The following ESPN variants were observed in gnomAD, a reference collection of about 807,000 sequenced individuals.
ESPN encodes the protein autosomal recessive deafness type 36 protein.
In ESPN, 68 loss-of-function variants were observed where a neutral mutation model predicts 77.7. The observed-to-expected ratio is 0.87, with a 90% CI of 0.72 to 1.07. The LOEUF (loss-of-function observed/expected upper bound fraction) is 1.07. ESPN is among the 50% of genes least tolerant of loss of function. The pLI, the probability that ESPN is intolerant of heterozygous loss-of-function variation, is 0.00. For missense variants in ESPN, 1,060 were observed against 1,239.0 expected (o/e 0.86, Z 2.17); for synonymous variants, 449 against 567.1 (o/e 0.79, Z 2.96).
chr1:6,446,315 A>C (rs1246097104), intron 7 of ESPN, among the ~76,000 whole-genome samples: 1 of 152,152 alleles, frequency 6.6e-6, no homozygotes, highest in Non-Finnish European at 1.5e-5. Context: ...CCCCAGGCTC[A>C]GTCGGAGAGT....
intron 12 of ESPN, among the ~76,000 whole-genome samples, chr1:6,458,507 G>T (rs762547550): frequency 1.3e-5 from 2 of 150,022 alleles, no homozygotes; most frequent in African/African-American, 2.4e-5. Context: ...GTAGAGGCCG[G>T]GTTTTGCCAT....
rs1246286291 is a variant in ESPN at position 6,444,782 on chromosome 1, C to T, written c.1192+100C>T. 16 of 1,348,636 alleles carry T rather than the reference C, an allele frequency of 1.2e-5. No individual in the cohort carries two copies. In the East Asian group the frequency reaches 2.1e-4, roughly 18 times the overall value. The allele number at this position is 1,348,636 out of a possible 1,614,324, so 83.5% of individuals were successfully genotyped here. On this transcript the variant is annotated intron_variant, in intron 6 of 12. Coordinates refer to ENST00000645284, the MANE Select transcript of ESPN (RefSeq NM_031475.3). ...TGGGCCGCCCTGCCACAGCCAATATCGGACACTACCCTCATCACTTGCTCT... is the reference window on the plus strand; with the variant it reads ...TGGGCCGCCCTGCCACAGCCAATATTGGACACTACCCTCATCACTTGCTCT...
At chr1:6,431,035 T>C (rs1401561420) in intron 2 of ESPN, among the ~76,000 whole-genome samples, 1 of 152,172 alleles carries the variant, frequency 6.6e-6, no homozygotes, top group Non-Finnish European at 1.5e-5. Context: ...GCCCAGGAGC[T>C]CACTCTGTCC....
rs746697097 is a variant in ESPN, at chr1:6,451,774, G to A, written c.2061+26G>A. ...GTAGGCGGGCCCAGCAGGAGCCTGC[G>A]ACCCGGCTTCCCTGGCCCTAGGCCA... On this transcript the variant is annotated intron_variant, in intron 9 of 12. Transcript: ENST00000645284. This position sits in a 1 kb window ranked among gnomAD's most constrained non-coding sequence, Gnocchi z 4.3. The A allele has an allele frequency of 1.1e-5, 18 of 1,610,466 alleles. No homozygotes were observed. The highest frequency in any genetic ancestry group is 8.9e-5 in the East Asian group (4 of 44,800).
At chr1:6,440,488 G>T in intron 3 of ESPN, 48 bp downstream of exon 3, 1 of 1,474,350 alleles carries the variant, frequency 6.8e-7, no homozygotes, top group Admixed American at 2.1e-5. Context: ...GGCGGAGCCG[G>T]CAGGGCGGGG....
rs566466936 is a variant in ESPN at position 6,437,389 on chromosome 1, C to G, written c.489-2865C>G. On this transcript the variant is annotated intron_variant, in intron 2 of 12. Transcript: ENST00000645284. This position sits in a 1 kb window ranked among gnomAD's most constrained non-coding sequence, Gnocchi z 4.5. ...ACAGATAGAACCCAGTGGGCCCCCA[C>G]CAGCCCCTGATCCCCAAGACCCCGG... The G allele has an allele frequency of 2.6e-5, 4 of 152,384 alleles. No individual in the cohort carries two copies. The East Asian group carries it at 7.7e-4, about 29-fold the overall frequency. 9.4% of individuals were successfully genotyped at this position (152,384 alleles called of 1,614,324 possible).
In ESPN at chr1:6,448,883, TC is replaced by T. The variant is rs1317437164; in HGVS notation, c.1712del (p.Pro571ArgfsTer75). 1.4e-5 allele frequency: 18 copies of T among 1,320,686 alleles called. No homozygotes were observed. In the Admixed American group the frequency reaches 5.9e-4, roughly 44 times the overall value. 81.8% of individuals were successfully genotyped at this position (1,320,686 alleles called of 1,614,324 possible). On this transcript the variant is annotated frameshift_variant, in exon 8 of 13. Coordinates refer to ENST00000645284, the MANE Select transcript of ESPN (RefSeq NM_031475.3). LOFTEE classifies it high-confidence loss of function. ...ARGSLEGPSAPPQAALLPGNH... is the reference protein window; with the variant it reads ...ARGSLEGPSAXPQAALLPGNH... ...GCGGCTCACTCGAAGGCCCCTCCGC[TC>T]CCCCGCAGGCGGCGCTGCTTCCTGG...
chr1:6,451,644 T>G lies in ESPN; in HGVS notation c.1957T>G (p.Ser653Ala). 6.2e-7 allele frequency: 1 copy of G among 1,613,272 alleles called. No individual in the cohort carries two copies. Among genetic ancestry groups the G allele is most frequent in the Non-Finnish European group, 8.5e-7 (1 of 1,179,936 alleles). The change falls in exon 9 of 13, where the codon TCG becomes GCG. Residue 653 changes from serine to alanine, a missense_variant. Physicochemically the swap from Ser to Ala is moderately conservative, Grantham distance 99. Transcript: ENST00000645284. The surrounding 1 kb of genome is among the most constrained non-coding windows in gnomAD (Gnocchi z 4.3). ...CATGATGTCCCCGACGGGCGACAAC[T>G]CGGAGCTACTGGCTGAGATTAAGGC... ...FNMMSPTGDNSELLAEIKAGK... is the reference protein window; with the variant it reads ...FNMMSPTGDNAELLAEIKAGK...
rs992016407 is a variant in ESPN, at chr1:6,457,378, T to C, written c.2417+6T>C. 1.2e-6 allele frequency: 2 copies of C among 1,613,994 alleles called. No homozygotes were observed. The highest frequency in any genetic ancestry group is 2.7e-5 in the African/African-American group (2 of 74,880). On this transcript the variant is annotated splice_donor_region_variant and intron_variant, in intron 12 of 12. Transcript: ENST00000645284. ...CCTTCCAGGGAGCAGAAGCGGTGAGTGCAGGGCTGGCCCCAACCTGCCACC... is the reference window on the plus strand; with the variant it reads ...CCTTCCAGGGAGCAGAAGCGGTGAGCGCAGGGCTGGCCCCAACCTGCCACC...
At position 6,424,844 on chromosome 1, in the gene ESPN, G is replaced by C. The variant is rs1642974702; in HGVS notation, c.-112G>C. ...CAGGCCCACAGCCGCTCCGCCTCCC[G>C]GCCCGCAGATCCCCGACGGCCGCAC... On this transcript the variant is annotated 5_prime_UTR_variant, in exon 1 of 13. Coordinates refer to ENST00000645284, the MANE Select transcript of ESPN (RefSeq NM_031475.3). 9.0e-7 allele frequency: 1 copy of C among 1,112,308 alleles called. No individual in the cohort carries two copies. Among genetic ancestry groups the C allele is most frequent in the Admixed American group, 4.4e-5 (1 of 22,726 alleles). The allele number at this position is 1,112,308 out of a possible 1,614,324, so 68.9% of individuals were successfully genotyped here.
Position 6,444,585 on chromosome 1 carries a change from G to A in ESPN, c.1095G>A (p.Pro365=), listed in dbSNP as rs539105712. The stretch of plus-strand genomic sequence containing the variant: ...CCAATACCACGGTGTCGGTCCAGCC[G>A]CTGAACTTTGACCTCAGCTCGCCTA... The part of the protein sequence containing the change: ...SSPNTTVSVQ[P]LNFDLSSPTS... Residue 365 remains proline, a synonymous_variant, in exon 6 of 13, where the codon CCG becomes CCA. Transcript: ENST00000645284. The A allele has an allele frequency of 1.5e-5, 24 of 1,613,908 alleles. 1 individual carries two copies. The highest frequency in any genetic ancestry group is 6.6e-5 in the South Asian group (6 of 91,082).
chr1:6,440,994 A>G lies in ESPN; in HGVS notation c.919A>G (p.Thr307Ala), dbSNP rs774610418. The change falls in exon 5 of 13, where the codon ACG becomes GCG. Residue 307 changes from threonine to alanine, a missense_variant. Transcript: ENST00000645284. ...ELDVRDRDGY[T>A]AADLSDFNGH... ...GGACGTCCGCGACCGCGACGGGTAC[A>G]CGGCCGCCGACCTGTCGGACTTCAA... The G allele has an allele frequency of 9.3e-6, 15 of 1,608,758 alleles. No homozygotes were observed. In the East Asian group the frequency reaches 3.1e-4, roughly 34 times the overall value.
At chr1:6,456,829 T>TG (rs573982366) in intron 10 of ESPN, among the ~76,000 whole-genome samples, 193 of 152,166 alleles carry the variant, frequency 1.3e-3, no homozygotes, top group African/African-American at 4.5e-3. Flanking sequence ...AGAGGCTGGG[T>TG]GGGGGCTGGC....
chr1:6,424,911 TG>T lies in ESPN; in HGVS notation c.-41del. On this transcript the variant is annotated 5_prime_UTR_variant, in exon 1 of 13. The change abolishes the stop of an existing upstream ORF in the 5' untranslated region. Coordinates refer to ENST00000645284, the MANE Select transcript of ESPN (RefSeq NM_031475.3). ...CCGCAAGAACACGTGCATGGCGTCC[TG>T]GGGAAGGCGCTGAGTGCGGAGTCGC... is the stretch of plus-strand genomic sequence containing the variant. 2.1e-6 allele frequency: 3 copies of T among 1,414,894 alleles called. No individual in the cohort carries two copies. Among genetic ancestry groups the T allele is most frequent in the Admixed American group, 2.8e-5 (1 of 35,298 alleles). The allele number at this position is 1,414,894 out of a possible 1,614,324, so 87.6% of individuals were successfully genotyped here.
chr1:6,428,106 C>T lies in ESPN; in HGVS notation c.295-120C>T. On this transcript the variant is annotated intron_variant, in intron 1 of 12. Coordinates refer to ENST00000645284, the MANE Select transcript of ESPN (RefSeq NM_031475.3). This position sits in a 1 kb window ranked among gnomAD's most constrained non-coding sequence, Gnocchi z 5.4. ...ATTGCTGAATGAGGCCTGGCCAATCCCTCCAGGGAAGACAGAGAGCACAGA... is the reference window on the plus strand; with the variant it reads ...ATTGCTGAATGAGGCCTGGCCAATCTCTCCAGGGAAGACAGAGAGCACAGA... 3 of 1,088,928 alleles carry T rather than the reference C, an allele frequency of 2.8e-6. No homozygotes were observed. In the East Asian group the frequency reaches 7.2e-5, roughly 26 times the overall value. The allele number at this position is 1,088,928 out of a possible 1,614,324, so 67.5% of individuals were successfully genotyped here.
At chr1:6,454,288 C>T (rs1644008541) in intron 10 of ESPN, 2 of 397,374 alleles carry the variant, frequency 5.0e-6, no homozygotes, top group South Asian at 1.4e-4. Context: ...TCACCCCCCG[C>T]CGGCCAGACG....
chr1:6,438,368 C>A (rs1406312554), intron 2 of ESPN, among the ~76,000 whole-genome samples: 1 of 152,272 alleles, frequency 6.6e-6, no homozygotes, highest in Non-Finnish European at 1.5e-5. Context: ...GCAAGCACTT[C>A]TCAGGCACTC....
intron 10 of ESPN, chr1:6,455,252 G>A: frequency 2.6e-6 from 1 of 389,830 alleles, no homozygotes; most frequent in East Asian, 3.6e-5. Flanking sequence ...GCGGCGTCCA[G>A]GACTACCTCG....
chr1:6,436,128 G>A (rs75137890), intron 2 of ESPN, among the ~76,000 whole-genome samples: 3 of 152,184 alleles, frequency 2.0e-5, no homozygotes, highest in East Asian at 1.9e-4. Context: ...TGGTCTGTGC[G>A]GTGGGAGGGA....
Sources: gnomAD v4.1 joint callset for allele counts (sites outside exome capture counted in the v4.1 genomes callset) on GRCh38, gnomAD v4.1.1 for gene constraint, Gnocchi (gnomAD v3.1) non-coding constraint, MANE v1.5 for transcripts, NCBI Gene and HGNC (gene_info 2026-07-23, HGNC 2026-07-21) for gene names.